Variants in KLHL12 observed in about 807,000 individuals in gnomAD.
KLHL12 encodes the protein kelch like family member 12.
In KLHL12, 17 loss-of-function variants were observed where a neutral mutation model predicts 60.8. The observed-to-expected ratio is 0.28, with a 90% CI of 0.19 to 0.42. KLHL12 has a LOEUF of 0.42. Ranked by LOEUF, KLHL12 falls within the 10% of genes least tolerant of loss-of-function variation. The pLI is 1.00. For missense variants in KLHL12, 468 were observed against 722.3 expected, an observed-to-expected ratio of 0.65 and a Z score of 4.04; for synonymous variants, 220 against 250.9, an observed-to-expected ratio of 0.88 and a Z score of 1.16.
intron 6 of KLHL12, among the ~76,000 whole-genome samples, chr1:202,905,337 A>G (rs2102424078): frequency 6.6e-6 from 1 of 152,380 alleles, no homozygotes; most frequent in East Asian, 1.9e-4. Context: ...TAATAAGCAA[A>G]TAATGAGTGC....
At chr1:202,922,485 C>A (rs1660725342) in intron 2 of KLHL12, among the ~76,000 whole-genome samples, 1 of 150,160 alleles carries the variant, frequency 6.7e-6, no homozygotes, top group Non-Finnish European at 1.5e-5. Flanking sequence ...AAAGAAGATC[C>A]AAGACTTTTT....
chr1:202,903,524 A>G (rs1170080379), intron 6 of KLHL12, among the ~76,000 whole-genome samples: 2 of 148,188 alleles, frequency 1.3e-5, no homozygotes, highest in East Asian at 3.9e-4. Context: ...CACTGGTGCA[A>G]TTATGGTTCA....
intron 4 of KLHL12, among the ~76,000 whole-genome samples, chr1:202,911,551 T>C (rs1400428825): frequency 6.6e-6 from 1 of 152,114 alleles, no homozygotes; most frequent in African/African-American, 2.4e-5. Flanking sequence ...CATTCCTGAA[T>C]TGCTTCTGGT....
intron 4 of KLHL12, among the ~76,000 whole-genome samples, chr1:202,916,961 A>G (rs997673362): frequency 1.4e-5 from 2 of 141,774 alleles, no homozygotes; most frequent in Admixed American, 7.3e-5. Context: ...TGACAGAGTG[A>G]GACCATCTCA....
chr1:202,916,639 C>T (rs1660529773), intron 4 of KLHL12, among the ~76,000 whole-genome samples: 1 of 152,094 alleles, frequency 6.6e-6, no homozygotes, highest in Non-Finnish European at 1.5e-5. Flanking sequence ...TACTTAAGAC[C>T]TGTTATTATA....
intron 8 of KLHL12, among the ~76,000 whole-genome samples, 187 bp from the exon 9 acceptor site, chr1:202,894,936 C>T: frequency 6.6e-6 from 1 of 152,104 alleles, no homozygotes; most frequent in Non-Finnish European, 1.5e-5. Flanking sequence ...AAACAAAATC[C>T]TTAAAAGCAT....
intron 2 of KLHL12, among the ~76,000 whole-genome samples, chr1:202,923,789 T>C (rs10800880): frequency 0.22 from 32,749 of 151,866 alleles, 4,281 homozygotes; most frequent in East Asian, 0.53. Context: ...AAGGTAGTTA[T>C]TACCATCACA....
At chr1:202,902,540 A>T (rs149238988) in intron 6 of KLHL12, among the ~76,000 whole-genome samples, 1,662 of 152,258 alleles carry the variant, frequency 0.011, 31 homozygotes, top group African/African-American at 0.038. Flanking sequence ...CTTTTAGTAC[A>T]TGGTTATAAT....
intron 6 of KLHL12, among the ~76,000 whole-genome samples, chr1:202,902,671 G>A (rs552249255): frequency 3.3e-5 from 5 of 152,042 alleles, no homozygotes; most frequent in Non-Finnish European, 5.9e-5. Context: ...TGGGAAGAAT[G>A]CTGAGTAATG....
intron 11 of KLHL12, 77 bp from the exon 12 acceptor site, chr1:202,892,736 G>A (rs1659716333): frequency 6.7e-7 from 1 of 1,498,798 alleles, no homozygotes; most frequent in Admixed American, 1.8e-5. Context: ...CAACTATGCA[G>A]GAGGCTGAGG....
chr1:202,907,521 G>C (rs1162275416), intron 6 of KLHL12, among the ~76,000 whole-genome samples: 1 of 150,466 alleles, frequency 6.6e-6, no homozygotes, highest in Non-Finnish European at 1.5e-5. Flanking sequence ...AGAATTGCTT[G>C]AACCTGGGAG....
chr1:202,896,796 A>G, intron 7 of KLHL12, 58 bp downstream of exon 7: 1 of 1,258,916 alleles, frequency 7.9e-7, no homozygotes, highest in East Asian at 2.3e-5. Flanking sequence ...TATGATCTGG[A>G]GGCAGAGACT....
At chr1:202,901,016 A>C (rs539506248) in intron 6 of KLHL12, among the ~76,000 whole-genome samples, 1 of 152,206 alleles carries the variant, frequency 6.6e-6, no homozygotes, top group Non-Finnish European at 1.5e-5. Flanking sequence ...GCTACACTCC[A>C]GCCTGGGTGA....
chr1:202,895,840 C>G lies in KLHL12; in HGVS notation c.940-123G>C. On this transcript the variant is annotated intron_variant, in intron 7 of 11. Transcript: ENST00000367261. This position sits in a 1 kb window ranked among gnomAD's most constrained non-coding sequence, Gnocchi z 4.2. The stretch of plus-strand genomic sequence containing the variant: ...GCTTCTTCACCTGTCATCATGAACC[C>G]TCCTTAAGTGGTTCATCCTCAAGTG... 1.4e-6 allele frequency: 1 copy of G among 704,278 alleles called. No individual in the cohort carries two copies. Among genetic ancestry groups the G allele is most frequent in the South Asian group, 1.9e-5 (1 of 51,614 alleles). 43.6% of individuals were successfully genotyped at this position (704,278 alleles called of 1,614,324 possible).
rs1659740138 is a variant in KLHL12 at position 202,893,503 on chromosome 1, A to G, written c.1394-78T>C. 1 of 1,258,706 alleles carries G rather than the reference A, an allele frequency of 7.9e-7. No individual in the cohort carries two copies. Among genetic ancestry groups the G allele is most frequent in the Non-Finnish European group, 1.1e-6 (1 of 886,840 alleles). The allele number at this position is 1,258,706 out of a possible 1,614,324, so 78.0% of individuals were successfully genotyped here. On this transcript the variant is annotated intron_variant, in intron 10 of 11. Coordinates refer to ENST00000367261, the MANE Select transcript of KLHL12 (RefSeq NM_021633.4). The surrounding 1 kb of genome is among the most constrained non-coding windows in gnomAD (Gnocchi z 4.1). Reference sequence around the variant, plus strand: ...ATTATAGAAATAAACTACGGTCACTAATGACTAGCTGAGTTCTACAGTAGA... The same window carrying G: ...ATTATAGAAATAAACTACGGTCACTGATGACTAGCTGAGTTCTACAGTAGA...
intron 6 of KLHL12, among the ~76,000 whole-genome samples, chr1:202,902,717 T>C (rs1177083906): frequency 4.6e-5 from 7 of 152,104 alleles, no homozygotes; most frequent in African/African-American, 1.7e-4. Flanking sequence ...GAGCCAGGCA[T>C]GGTGGCTCAC....
chr1:202,900,887 A>T (rs1659985584), intron 6 of KLHL12, among the ~76,000 whole-genome samples: 1 of 141,910 alleles, frequency 7.0e-6, no homozygotes, highest in Admixed American at 7.4e-5. Context: ...ACAAATACAA[A>T]CACAAAAATT....
intron 4 of KLHL12, among the ~76,000 whole-genome samples, chr1:202,914,306 C>T (rs1472777021): frequency 6.6e-6 from 1 of 152,132 alleles, no homozygotes; most frequent in African/African-American, 2.4e-5. Context: ...CAAAAGGTGA[C>T]GGTGCTTACT....
chr1:202,918,854 G>A (rs1660601726), intron 3 of KLHL12, among the ~76,000 whole-genome samples: 1 of 152,184 alleles, frequency 6.6e-6, no homozygotes, highest in Non-Finnish European at 1.5e-5. Context: ...TTATGGCTAT[G>A]CACTAATGCA....
Sources: allele counts gnomAD v4.1 joint callset (sites outside exome capture counted in the v4.1 genomes callset), GRCh38; gene constraint gnomAD v4.1.1; non-coding constraint Gnocchi (gnomAD v3.1); transcripts MANE v1.5; gene names NCBI Gene and HGNC (gene_info 2026-07-23, HGNC 2026-07-21).